CD82: variants seen among roughly 807,000 people sequenced by gnomAD.
CD82 encodes CD82 molecule.
CD82 carries 36 observed loss-of-function variants against 37.4 expected under a neutral mutation model. The observed-to-expected ratio is 0.96, with a 90% CI of 0.74 to 1.27. CD82 has a LOEUF of 1.27. CD82 is among the 50% of genes most tolerant of loss of function. The pLI, the probability that CD82 is intolerant of heterozygous loss-of-function variation, is 0.00. For synonymous variants in CD82, 158 were observed against 137.4 expected (o/e 1.15, Z -1.05); for missense variants, 340 against 347.0 (o/e 0.98, Z 0.16).
At chr11:44,606,087 T>G (rs1402818088) in intron 6 of CD82, 2 of 152,472 alleles carry the variant, frequency 1.3e-5, no homozygotes, top group African/African-American at 4.8e-5. Flanking sequence ...ATGGCTTTCC[T>G]GCATTATGAC....
intron 1 of CD82, among the ~76,000 whole-genome samples, chr11:44,568,956 A>G (rs1852776719): frequency 6.6e-6 from 1 of 152,180 alleles, no homozygotes; most frequent in Admixed American, 6.5e-5. Context: ...CCAAACCGTT[A>G]TACCCACTTC....
At chr11:44,583,988 G>A (rs1853017816) in intron 1 of CD82, among the ~76,000 whole-genome samples, 2 of 152,162 alleles carry the variant, frequency 1.3e-5, no homozygotes, top group African/African-American at 4.8e-5. Flanking sequence ...AAACAGGGAG[G>A]CACTTTGGGC....
At position 44,574,047 on chromosome 11, in the gene CD82, T is replaced by G. The variant is rs562771496; in HGVS notation, c.-103+8311T>G. Among the ~76,000 whole-genome samples the G allele has an allele frequency of 2.6e-5, 4 of 152,294 alleles. No homozygotes were observed. In the East Asian group the frequency reaches 7.7e-4, roughly 29 times the overall value. On this transcript the variant is annotated intron_variant, in intron 1 of 9. Coordinates refer to ENST00000227155, the MANE Select transcript of CD82 (RefSeq NM_002231.4). ...CTTCCTGTCCGAAGGCTGAGGTCCC[T>G]GATCTGGAGTGAGGGAGCTTTCCGG...
Position 44,595,687 on chromosome 11 carries a change from A to G in CD82, c.63+962A>G, listed in dbSNP as rs918736095. Among the ~76,000 whole-genome samples the G allele has an allele frequency of 2.6e-5, 4 of 152,214 alleles. No homozygotes were observed. The South Asian group carries it at 8.3e-4, about 32-fold the overall frequency. On this transcript the variant is annotated intron_variant, in intron 3 of 9. Coordinates refer to ENST00000227155, the MANE Select transcript of CD82 (RefSeq NM_002231.4). ...GTATTTTCCCAATTTTCTACGGTAG[A>G]TATTAATTACTTGTTTGGGGAACAG...
At chr11:44,587,146 G>T in intron 1 of CD82, 2 of 337,294 alleles carry the variant, frequency 5.9e-6, no homozygotes, top group South Asian at 4.7e-5. Context: ...CTTCTGAATA[G>T]ATTGGGTGTT....
chr11:44,573,025 G>A (rs1329676154), intron 1 of CD82: 1 of 152,292 alleles, frequency 6.6e-6, no homozygotes, highest in African/African-American at 2.4e-5. Flanking sequence ...GGCTCTGCGA[G>A]GGGCGGGGCC....
At chr11:44,588,391 G>A (rs2134644438) in intron 2 of CD82, among the ~76,000 whole-genome samples, 1 of 151,968 alleles carries the variant, frequency 6.6e-6, no homozygotes, top group African/African-American at 2.4e-5. Flanking sequence ...GCCCAGCTAA[G>A]TTTTGTATTT....
intron 1 of CD82, among the ~76,000 whole-genome samples, chr11:44,567,866 G>A (rs933850567): frequency 9.2e-5 from 14 of 152,198 alleles, no homozygotes; most frequent in African/African-American, 2.9e-4. Flanking sequence ...GGAAGATTTC[G>A]GCAGCCAGAA....
intron 8 of CD82, 101 bp downstream of exon 8, chr11:44,618,466 A>T (rs2303861): frequency 8.1e-6 from 9 of 1,116,614 alleles, no homozygotes; most frequent in Non-Finnish European, 1.2e-5. Flanking sequence ...TCCTTCCCTT[A>T]ATTCATCTGT....
At position 44,619,278 on chromosome 11, in the gene CD82, G is replaced by A. The variant is rs899733463; in HGVS notation, c.*152G>A. 4.5e-5 allele frequency: 30 copies of A among 663,092 alleles called. No individual in the cohort carries two copies. Among genetic ancestry groups the A allele is most frequent in the South Asian group, 1.4e-4 (8 of 58,608 alleles). The allele number at this position is 663,092 out of a possible 1,614,324, so 41.1% of individuals were successfully genotyped here. ...AGTAGGGGGCTTTCTGGGGCCTAGC[G>A]ATCTCTCCTGGCCTATCCGCTGCCA... is the stretch of plus-strand genomic sequence containing the variant. On this transcript the variant is annotated 3_prime_UTR_variant, in exon 10 of 10. Coordinates refer to ENST00000227155, the MANE Select transcript of CD82 (RefSeq NM_002231.4).
chr11:44,610,177 A>C (rs988132342), intron 6 of CD82, among the ~76,000 whole-genome samples: 1 of 152,216 alleles, frequency 6.6e-6, no homozygotes, highest in Non-Finnish European at 1.5e-5. Flanking sequence ...GGGCGGGCAC[A>C]GGAGCCCGAA....
chr11:44,598,553 C>G (rs147119891), intron 3 of CD82, among the ~76,000 whole-genome samples: 1 of 151,728 alleles, frequency 6.6e-6, no homozygotes, highest in Admixed American at 6.6e-5. Context: ...GCTGGGATTA[C>G]AGGACCCCAT....
chr11:44,593,040 A>G (rs1438126366), intron 2 of CD82, among the ~76,000 whole-genome samples: 1 of 152,218 alleles, frequency 6.6e-6, no homozygotes, highest in Non-Finnish European at 1.5e-5. Context: ...TGTTAGAGGA[A>G]AGAAAACTGG....
intron 2 of CD82, chr11:44,587,991 G>A (rs1167297762): frequency 4.5e-6 from 1 of 219,920 alleles, no homozygotes; most frequent in Non-Finnish European, 9.4e-6. Flanking sequence ...CATCCACCCA[G>A]TCTTTCATGC....
At chr11:44,568,159 A>G (rs1452137479) in intron 1 of CD82, among the ~76,000 whole-genome samples, 1 of 152,138 alleles carries the variant, frequency 6.6e-6, no homozygotes, top group East Asian at 1.9e-4. Context: ...TCTGTACCAG[A>G]TGTGCTGGGG....
intron 2 of CD82, among the ~76,000 whole-genome samples, chr11:44,590,683 G>A (rs894171331): frequency 2.6e-5 from 4 of 151,458 alleles, no homozygotes; most frequent in Non-Finnish European, 5.9e-5. Context: ...CAGGGGGCTG[G>A]ATTTGGTCTG....
chr11:44,587,330 G>C (rs79223432), intron 1 of CD82, 145 bp from the exon 2 acceptor site: 15 of 421,594 alleles, frequency 3.6e-5, no homozygotes, highest in Middle Eastern at 3.6e-4. Context: ...TGAGCCTGTG[G>C]GGGGAAGAGG....
intron 1 of CD82, among the ~76,000 whole-genome samples, chr11:44,573,557 C>T (rs1204943054): frequency 6.6e-6 from 1 of 152,194 alleles, no homozygotes; most frequent in African/African-American, 2.4e-5. Context: ...AGGATGTGTC[C>T]TCTACTCTGA....
chr11:44,592,818 C>T (rs1379982910), intron 2 of CD82, among the ~76,000 whole-genome samples: 1 of 152,198 alleles, frequency 6.6e-6, no homozygotes, highest in Non-Finnish European at 1.5e-5. Context: ...TTGGAGCCCC[C>T]TAGACTGGAA....
Sources: allele counts gnomAD v4.1 joint callset (sites outside exome capture counted in the v4.1 genomes callset), GRCh38; gene constraint gnomAD v4.1.1; transcripts MANE v1.5; gene names NCBI Gene and HGNC (gene_info 2026-07-23, HGNC 2026-07-21).